The following CASZ1 variants were observed in gnomAD, a reference collection of about 807,000 sequenced individuals.
The protein encoded by CASZ1 is zinc finger protein castor homolog 1.
Under a neutral mutation model 135.2 loss-of-function variants are expected in CASZ1, and 28 were observed. The observed-to-expected ratio is 0.21, with a 90% CI of 0.15 to 0.28. The LOEUF (loss-of-function observed/expected upper bound fraction) is 0.28. Among genes scored for constraint, CASZ1 ranks in the 10% least tolerant of loss-of-function variants. The pLI is 1.00. For missense variants in CASZ1, 2,161 were observed against 2,453.3 expected (o/e 0.88, Z 2.52); for synonymous variants, 1,068 against 1,073.4 (o/e 0.99, Z 0.10).
intron 9 of CASZ1, 60 bp downstream of exon 9, chr1:10,655,589 G>C (rs983018091): frequency 5.3e-5 from 80 of 1,511,774 alleles, no homozygotes; most frequent in South Asian, 3.4e-4. Flanking sequence ...GGGGGGCTCA[G>C]AGCCGGGAGG....
Position 10,666,564 on chromosome 1 carries a change from G to T in CASZ1, c.17-993C>A, listed in dbSNP as rs959601173. On this transcript the variant is annotated intron_variant, in intron 4 of 20. Coordinates refer to ENST00000377022, the MANE Select transcript of CASZ1 (RefSeq NM_001079843.3). This position sits in a 1 kb window ranked among gnomAD's most constrained non-coding sequence, Gnocchi z 5.2. The stretch of plus-strand genomic sequence containing the variant: ...GGATCGCTTAGGTCCCTCACGGAAC[G>T]CCCCGAAGCGCCGGTCACAGCACCT... Among the ~76,000 whole-genome samples, 2 of 152,132 alleles carry T rather than the reference G, an allele frequency of 1.3e-5. No homozygotes were observed. The highest frequency in any genetic ancestry group is 1.5e-5 in the Non-Finnish European group (1 of 68,032).
At chr1:10,781,585 C>G (rs1216639392) in intron 1 of CASZ1, among the ~76,000 whole-genome samples, 1 of 152,234 alleles carries the variant, frequency 6.6e-6, no homozygotes, top group Non-Finnish European at 1.5e-5. Context: ...CGAACATGCT[C>G]CAACAGACTT....
In CASZ1 at chr1:10,638,408, C is replaced by A. The variant is rs913089602; in HGVS notation, c.*534G>T. 1 of 152,226 alleles carries A rather than the reference C, an allele frequency of 6.6e-6. No homozygotes were observed. Among genetic ancestry groups the A allele is most frequent in the Non-Finnish European group, 1.5e-5 (1 of 68,100 alleles). 9.4% of individuals were successfully genotyped at this position (152,226 alleles called of 1,614,324 possible). A position where few individuals can be genotyped will look rare whatever the true frequency, so the allele number is the denominator to read the frequency against. ...CTGAGCTGGAGCTCCGCGGCTGCTA[C>A]TCCCGTGAGGCTTCCTCCACGGTCC... On this transcript the variant is annotated 3_prime_UTR_variant, in exon 21 of 21. Transcript: ENST00000377022. This position sits in a 1 kb window ranked among gnomAD's most constrained non-coding sequence, Gnocchi z 5.9.
Position 10,777,572 on chromosome 1 carries a change from C to A in CASZ1, c.-233-16715G>T, listed in dbSNP as rs553043998. On this transcript the variant is annotated intron_variant, in intron 1 of 20. Coordinates refer to ENST00000377022, the MANE Select transcript of CASZ1 (RefSeq NM_001079843.3). This position sits in a 1 kb window ranked among gnomAD's most constrained non-coding sequence, Gnocchi z 4.4. ...TTAATTTTACTCTGCCCGGCTACTA[C>A]AACGAGGGGGAAAGAAGCGACACAC... Among the ~76,000 whole-genome samples, 2 of 152,260 alleles carry A rather than the reference C, an allele frequency of 1.3e-5. No homozygotes were observed. Among genetic ancestry groups the A allele is most frequent in the African/African-American group, 4.8e-5 (2 of 41,534 alleles).
rs138435396 is a variant in CASZ1, at chr1:10,789,524, G to GTC, written c.-234+7038_-234+7039dup. ...AGTTCCGAAGGAGCGACACGTCCCT[G>GTC]TCTCTCTCTCTCTCTCTCTATCCTC... On this transcript the variant is annotated intron_variant, in intron 1 of 20. Transcript: ENST00000377022. Among the ~76,000 whole-genome samples the GTC allele has an allele frequency of 8.7e-4, 129 of 147,576 alleles. 2 individuals are homozygous for GTC. In the Middle Eastern group the frequency reaches 0.018, roughly 20 times the overall value.
intron 1 of CASZ1, among the ~76,000 whole-genome samples, chr1:10,789,518 G>C (rs182079351): frequency 1.3e-5 from 2 of 151,562 alleles, no homozygotes; most frequent in Non-Finnish European, 2.9e-5. Context: ...GGAGCGACAC[G>C]TCCCTGTCTC....
chr1:10,792,506 TGCATTAAATGGTTCTACC>T (rs1295598621), intron 1 of CASZ1, among the ~76,000 whole-genome samples: 2 of 151,852 alleles, frequency 1.3e-5, no homozygotes, highest in African/African-American at 4.8e-5. Flanking sequence ...ATATTAAAAA[TGCATTAAATGGTTCTACC>T]TACAACTTAG....
intron 2 of CASZ1, among the ~76,000 whole-genome samples, chr1:10,745,182 C>T (rs1240124851): frequency 6.6e-6 from 1 of 152,116 alleles, no homozygotes; most frequent in Non-Finnish European, 1.5e-5. Context: ...GAGTTCTTAC[C>T]AAATTTTCTT....
intron 4 of CASZ1, among the ~76,000 whole-genome samples, chr1:10,668,741 A>AT (rs1570447818): frequency 6.6e-6 from 1 of 152,214 alleles, no homozygotes; most frequent in South Asian, 2.1e-4. Context: ...CCTGGGCAAG[A>AT]TTTTTCCCTG....
chr1:10,699,442 G>A lies in CASZ1; in HGVS notation c.-23-5530C>T, dbSNP rs1365389002. On this transcript the variant is annotated intron_variant, in intron 3 of 20. Coordinates refer to ENST00000377022, the MANE Select transcript of CASZ1 (RefSeq NM_001079843.3). The surrounding 1 kb of genome is among the most constrained non-coding windows in gnomAD (Gnocchi z 4.6). ...TAGAGCCTGGGGATGTGGCATCGGT[G>A]GGGGCATAAAGTGACCCAAGGTCTG... is the stretch of plus-strand genomic sequence containing the variant. Among the ~76,000 whole-genome samples the A allele has an allele frequency of 6.6e-6, 1 of 152,170 alleles. No individual in the cohort carries two copies. The highest frequency in any genetic ancestry group is 2.4e-5 in the African/African-American group (1 of 41,428).
chr1:10,791,992 A>T (rs1314169581), intron 1 of CASZ1, among the ~76,000 whole-genome samples: 1 of 151,914 alleles, frequency 6.6e-6, no homozygotes, highest in Non-Finnish European at 1.5e-5. Flanking sequence ...TTCTACTCGT[A>T]AGCCTCTGTT....
chr1:10,686,414 GC>G (rs963630181), intron 4 of CASZ1, among the ~76,000 whole-genome samples: 2 of 152,212 alleles, frequency 1.3e-5, no homozygotes, highest in Admixed American at 6.5e-5. Context: ...CCCTGGGGGG[GC>G]TTGTATCACG....
intron 13 of CASZ1, 61 bp downstream of exon 13, chr1:10,650,631 C>A (rs1274624988): frequency 7.1e-6 from 10 of 1,401,066 alleles, no homozygotes; most frequent in Non-Finnish European, 1.0e-5. Context: ...CCCCCACCCC[C>A]CAGCACAGCT....
chr1:10,721,045 C>T lies in CASZ1; in HGVS notation c.-76-15501G>A, dbSNP rs1016702322. Reference sequence around the variant, plus strand: ...CCTCATCCTGCCTCCTCGCCCGTAACTCTGGTGGGGGTCCCTTTTGTACAG... The same window carrying T: ...CCTCATCCTGCCTCCTCGCCCGTAATTCTGGTGGGGGTCCCTTTTGTACAG... On this transcript the variant is annotated intron_variant, in intron 2 of 20. Coordinates refer to ENST00000377022, the MANE Select transcript of CASZ1 (RefSeq NM_001079843.3). This position sits in a 1 kb window ranked among gnomAD's most constrained non-coding sequence, Gnocchi z 5.4. Among the ~76,000 whole-genome samples the T allele has an allele frequency of 6.6e-6, 1 of 152,186 alleles. No individual in the cohort carries two copies. Among genetic ancestry groups the T allele is most frequent in the African/African-American group, 2.4e-5 (1 of 41,450 alleles).
chr1:10,746,495 G>A (rs776156316), intron 2 of CASZ1, among the ~76,000 whole-genome samples: 1 of 152,304 alleles, frequency 6.6e-6, no homozygotes, highest in South Asian at 2.1e-4. Flanking sequence ...AGGAGTCTGC[G>A]CGGGATCCCT....
At chr1:10,662,261 AC>A (rs1029807180) in intron 5 of CASZ1, among the ~76,000 whole-genome samples, 1 of 130,148 alleles carries the variant, frequency 7.7e-6, no homozygotes, top group African/African-American at 3.3e-5. Context: ...ACCCACCCCC[AC>A]ACACAGTCAC....
intron 1 of CASZ1, among the ~76,000 whole-genome samples, chr1:10,766,242 G>A (rs550942856): frequency 3.3e-5 from 5 of 152,080 alleles, no homozygotes; most frequent in East Asian, 1.9e-4. Context: ...ATGCCACTCC[G>A]CCAGATCACT....
In CASZ1 at chr1:10,767,476, T is replaced by A. The variant is rs1243369541; in HGVS notation, c.-233-6619A>T. ...GGGCGGGGGCGATGGGAGCACAGGCTTCCCCTATTGCAAAGCCAGGCCCAG... is the reference window on the plus strand; with the variant it reads ...GGGCGGGGGCGATGGGAGCACAGGCATCCCCTATTGCAAAGCCAGGCCCAG... On this transcript the variant is annotated intron_variant, in intron 1 of 20. Coordinates refer to ENST00000377022, the MANE Select transcript of CASZ1 (RefSeq NM_001079843.3). This position sits in a 1 kb window ranked among gnomAD's most constrained non-coding sequence, Gnocchi z 4.2. Among the ~76,000 whole-genome samples the A allele has an allele frequency of 6.6e-6, 1 of 152,194 alleles. No individual in the cohort carries two copies. Among genetic ancestry groups the A allele is most frequent in the Admixed American group, 6.5e-5 (1 of 15,282 alleles).
chr1:10,748,060 C>T (rs942665171), intron 2 of CASZ1, among the ~76,000 whole-genome samples: 81 of 152,258 alleles, frequency 5.3e-4, no homozygotes, highest in African/African-American at 2.4e-5. Context: ...CCTCGTGATC[C>T]GCCCGCCTCG....
Sources: gnomAD v4.1 joint callset for allele counts (sites outside exome capture counted in the v4.1 genomes callset) on GRCh38, gnomAD v4.1.1 for gene constraint, Gnocchi (gnomAD v3.1) non-coding constraint, MANE v1.5 for transcripts, NCBI Gene and HGNC (gene_info 2026-07-23, HGNC 2026-07-21) for gene names.